The following TADA3 variants were observed in gnomAD, a reference collection of about 807,000 sequenced individuals.
TADA3 encodes the protein transcriptional adapter 3.
Under a neutral mutation model 43.2 loss-of-function variants are expected in TADA3, and 25 were observed. The ratio of observed to expected loss-of-function variants is 0.58; its 90% confidence interval spans 0.42 to 0.81. The LOEUF is 0.81. TADA3 is among the 30% of genes least tolerant of loss of function. TADA3 has a pLI of 0.00. For synonymous variants in TADA3, 235 were observed against 225.5 expected (o/e 1.04, Z -0.38); for missense variants, 441 against 567.8 (o/e 0.78, Z 2.27).
Position 9,787,272 on chromosome 3 carries a change from A to G in TADA3, c.633T>C (p.Asp211=), listed in dbSNP as rs1415849858. 1.9e-6 allele frequency: 3 copies of G among 1,614,134 alleles called. No individual in the cohort carries two copies. Among genetic ancestry groups the G allele is most frequent in the Non-Finnish European group, 2.5e-6 (3 of 1,180,030 alleles). Residue 211 remains aspartate, a synonymous_variant, in exon 5 of 9, where the codon GAT becomes GAC. Transcript: ENST00000301964. ...AQEDLLEEQK[D]GARAAAVADK... ...CAGCCACAGCCGCTGCCCGGGCCCC[A>G]TCCTTCTGCTCCTCCAGCAGGTCCT...
chr3:9,787,448 G>A, intron 4 of TADA3, 108 bp from the exon 5 acceptor site: 1 of 1,445,172 alleles, frequency 6.9e-7, no homozygotes, highest in Non-Finnish European at 9.2e-7. Flanking sequence ...CCTAGTCCAA[G>A]GCCAAGCCCA....
chr3:9,785,555 A>T, intron 6 of TADA3, 130 bp from the exon 7 acceptor site: 2 of 642,912 alleles, frequency 3.1e-6, no homozygotes, highest in Non-Finnish European at 5.4e-6. Context: ...TACCGTGGGA[A>T]GCCTTCCCAT....
Position 9,787,372 on chromosome 3 carries a change from G to A in TADA3, c.565-32C>T, listed in dbSNP as rs1438773711. The A allele has an allele frequency of 3.8e-6, 6 of 1,577,154 alleles. No individual in the cohort carries two copies. In the South Asian group the frequency reaches 7.1e-5, roughly 19 times the overall value. On this transcript the variant is annotated intron_variant, in intron 4 of 8. Transcript: ENST00000301964. The stretch of plus-strand genomic sequence containing the variant: ...AAAAGATGGCACCCAACCCTGAGTG[G>A]GTAAGCACTGGCCAGCCATGCTTCA...
chr3:9,792,525 G>A (rs1377983092), upstream of TADA3: 4 of 1,224,194 alleles, frequency 3.3e-6, no homozygotes, highest in East Asian at 1.3e-4. Flanking sequence ...GTCAGCGAGG[G>A]CGAGCCTACT....
Position 9,784,131 on chromosome 3 carries a change from C to CG in TADA3, c.1002dup (p.Ala335ArgfsTer7). 1 of 1,614,150 alleles carries CG rather than the reference C, an allele frequency of 6.2e-7. No individual in the cohort carries two copies. Among genetic ancestry groups the CG allele is most frequent in the Non-Finnish European group, 8.5e-7 (1 of 1,180,016 alleles). ...AGGACCTCATCCTCGGAGTCCTCTG[C>CG]GGGGCGGTCCTCAGACTCCAAAAGG... is the stretch of plus-strand genomic sequence containing the variant. On this transcript the variant is annotated frameshift_variant, in exon 8 of 9. Coordinates refer to ENST00000301964, the MANE Select transcript of TADA3 (RefSeq NM_006354.5). LOFTEE classifies it high-confidence loss of function.
At chr3:9,781,619 C>G (rs751773732) in intron 8 of TADA3, 9 of 455,086 alleles carry the variant, frequency 2.0e-5, no homozygotes, top group South Asian at 1.4e-4. Context: ...GACACCAGAT[C>G]AATCTCTCTG....
chr3:9,791,507 G>A lies in TADA3; in HGVS notation c.-27-14C>T, dbSNP rs755676821. On this transcript the variant is annotated splice_polypyrimidine_tract_variant and intron_variant, in intron 1 of 8. Transcript: ENST00000301964. ...GATCCTGTGGAGCTGGAGAGGACAG[G>A]GCCATTGATGGGAGACAAAGTGGTC... The A allele has an allele frequency of 8.5e-5, 127 of 1,489,168 alleles. No individual in the cohort carries two copies. The highest frequency in any genetic ancestry group is 1.1e-4 in the Non-Finnish European group (125 of 1,090,810). 92.2% of individuals were successfully genotyped at this position (1,489,168 alleles called of 1,614,324 possible).
In TADA3 at chr3:9,780,366, C is replaced by CA; in HGVS notation, c.1289dup (p.Asp431GlyfsTer11). On this transcript the variant is annotated frameshift_variant, in exon 9 of 9. Transcript: ENST00000301964. LOFTEE classifies it high-confidence loss of function. Reference sequence around the variant, plus strand: ...GAGGCAGGGGTGAGGGCTACCCATCCAGCAGCTTCAGGATGCTCTCACGCT... The same window carrying CA: ...GAGGCAGGGGTGAGGGCTACCCATCCAAGCAGCTTCAGGATGCTCTCACGCT... 2.5e-6 allele frequency: 4 copies of CA among 1,612,488 alleles called. No homozygotes were observed. The highest frequency in any genetic ancestry group is 3.4e-6 in the Non-Finnish European group (4 of 1,179,324).
rs747650706 is a variant in TADA3, at chr3:9,791,376, C to G, written c.91G>C (p.Ala31Pro). The change falls in exon 2 of 9, where the codon GCA (alanine) becomes CCA (proline). Residue 31 changes from alanine to proline, a missense_variant. By Grantham distance (27) the Ala-to-Pro change is conservative. Coordinates refer to ENST00000301964, the MANE Select transcript of TADA3 (RefSeq NM_006354.5). ...KVCPRYTAVLARSEDDGIGIE... is the reference protein window; with the variant it reads ...KVCPRYTAVLPRSEDDGIGIE... ...CCGATGCCATCATCCTCAGAGCGTG[C>G]CAGCACTGCCGTGTAGCGGGGACAG... 1.2e-6 allele frequency: 2 copies of G among 1,614,192 alleles called. No individual in the cohort carries two copies. Among genetic ancestry groups the G allele is most frequent in the Admixed American group, 3.3e-5 (2 of 60,026 alleles).
At chr3:9,790,062 C>T in intron 2 of TADA3, 99 bp from the exon 3 acceptor site, 1 of 1,405,620 alleles carries the variant, frequency 7.1e-7, no homozygotes, top group Non-Finnish European at 9.4e-7. Context: ...TACAGAGGCT[C>T]CTGGGTCTTT....
chr3:9,788,607 T>G (rs2078671069), intron 4 of TADA3, among the ~76,000 whole-genome samples: 1 of 151,950 alleles, frequency 6.6e-6, no homozygotes, highest in Admixed American at 6.6e-5. Flanking sequence ...TGGCACGATC[T>G]TGGCTCATTG....
chr3:9,791,765 G>A (rs533996408), intron 1 of TADA3, among the ~76,000 whole-genome samples: 5 of 152,324 alleles, frequency 3.3e-5, no homozygotes, highest in African/African-American at 1.2e-4. Context: ...ACTCTGTAAG[G>A]GTGGGTATGT....
At position 9,791,502 on chromosome 3, in the gene TADA3, G is replaced by A; in HGVS notation, c.-27-9C>T. Reference sequence around the variant, plus strand: ...ATGGGGATCCTGTGGAGCTGGAGAGGACAGGGCCATTGATGGGAGACAAAG... The same window carrying A: ...ATGGGGATCCTGTGGAGCTGGAGAGAACAGGGCCATTGATGGGAGACAAAG... On this transcript the variant is annotated splice_polypyrimidine_tract_variant and intron_variant, in intron 1 of 8. Coordinates refer to ENST00000301964, the MANE Select transcript of TADA3 (RefSeq NM_006354.5). The A allele has an allele frequency of 3.9e-6, 6 of 1,527,086 alleles. No homozygotes were observed. Among genetic ancestry groups the A allele is most frequent in the Non-Finnish European group, 5.4e-6 (6 of 1,118,724 alleles). 94.6% of individuals were successfully genotyped at this position (1,527,086 alleles called of 1,614,324 possible).
Position 9,780,061 on chromosome 3 carries a change from G to A in TADA3, c.*296C>T. The stretch of plus-strand genomic sequence containing the variant: ...CCTTGAAGGGGAGACAGGGGTAGGG[G>A]ATTAGGGAGTGGGGGATGGTAAAGA... On this transcript the variant is annotated 3_prime_UTR_variant, in exon 9 of 9. Coordinates refer to ENST00000301964, the MANE Select transcript of TADA3 (RefSeq NM_006354.5). The A allele has an allele frequency of 3.2e-6, 1 of 314,826 alleles. No individual in the cohort carries two copies. The highest frequency in any genetic ancestry group is 5.8e-6 in the Non-Finnish European group (1 of 171,264). 19.5% of individuals were successfully genotyped at this position (314,826 alleles called of 1,614,324 possible).
chr3:9,789,332 G>A (rs577714489), intron 4 of TADA3, among the ~76,000 whole-genome samples, 177 bp downstream of exon 4: 8 of 152,248 alleles, frequency 5.3e-5, no homozygotes, highest in African/African-American at 1.9e-4. Flanking sequence ...TAGAGGGGAG[G>A]CAGTGCACGG....
Position 9,780,463 on chromosome 3 carries a change from A to G in TADA3, c.1193T>C (p.Ile398Thr). 2 of 1,611,570 alleles carry G rather than the reference A, an allele frequency of 1.2e-6. No individual in the cohort carries two copies. Among genetic ancestry groups the G allele is most frequent in the Non-Finnish European group, 1.7e-6 (2 of 1,179,874 alleles). Residue 398 changes from isoleucine (I) to threonine (T), a missense_variant, in exon 9 of 9, where the codon ATC becomes ACC. Physicochemically the swap from Ile to Thr is moderately conservative, Grantham distance 89 (BLOSUM62 -1). Transcript: ENST00000301964. The stretch of plus-strand genomic sequence containing the variant: ...CCGCTTCTTCTGCCGGGCAGCCATG[A>G]TCTTGCGAAAGGCGTCCATGACCTC... ...DNEVMDAFRK[I>T]MAARQKKRTP...
upstream of TADA3, chr3:9,792,580 G>A: frequency 8.1e-7 from 1 of 1,229,386 alleles, no homozygotes; most frequent in Non-Finnish European, 1.0e-6. Context: ...GAGCAAAGCC[G>A]CTAGAGGTGG....
upstream of TADA3, chr3:9,792,903 G>C: frequency 7.1e-7 from 1 of 1,398,724 alleles, no homozygotes; most frequent in Non-Finnish European, 9.2e-7. Flanking sequence ...AGCTTAAATA[G>C]TGACTCGAGT....
intron 4 of TADA3, among the ~76,000 whole-genome samples, chr3:9,788,395 G>A (rs965510848): frequency 7.3e-4 from 111 of 151,722 alleles, no homozygotes; most frequent in Non-Finnish European, 1.3e-3. Context: ...ACAGGCGCCC[G>A]CCACCACGCC....
Sources: gnomAD v4.1 joint callset for allele counts (sites outside exome capture counted in the v4.1 genomes callset) on GRCh38, gnomAD v4.1.1 for gene constraint, MANE v1.5 for transcripts, NCBI Gene and HGNC (gene_info 2026-07-23, HGNC 2026-07-21) for gene names.